Variants in CPNE4 observed in about 807,000 individuals in gnomAD.
CPNE4 encodes copine 4, also known as copine-4.
In CPNE4, 25 loss-of-function variants were observed where a neutral mutation model predicts 67.9. The ratio of observed to expected loss-of-function variants is 0.37; its 90% CI spans 0.27 to 0.51. CPNE4 has a LOEUF of 0.51. Ranked by LOEUF, CPNE4 falls within the 20% of genes least tolerant of loss-of-function variation. CPNE4 has a pLI of 0.93. For missense variants in CPNE4, 464 were observed against 690.8 expected (o/e 0.67, Z 3.68); for synonymous variants, 242 against 244.9 (o/e 0.99, Z 0.11).
intron 7 of CPNE4, among the ~76,000 whole-genome samples, chr3:131,633,448 G>A (rs1368884988): frequency 3.3e-5 from 5 of 152,124 alleles, no homozygotes; most frequent in Non-Finnish European, 7.4e-5. Flanking sequence ...GGTCTCAAAA[G>A]TCAAAGAAGC....
chr3:131,992,895 TATGTGAA>T (rs1440618392), intron 1 of CPNE4, among the ~76,000 whole-genome samples: 1 of 136,112 alleles, frequency 7.3e-6, no homozygotes, highest in Non-Finnish European at 1.7e-5. Flanking sequence ...TACCTGCTGC[TATGTGAA>T]GGACACATTT....
intron 7 of CPNE4, among the ~76,000 whole-genome samples, chr3:131,627,207 AAAAG>A (rs1290445313): frequency 9.3e-5 from 14 of 150,866 alleles, no homozygotes; most frequent in African/African-American, 3.4e-4. Context: ...AAAAAAAAAA[AAAAG>A]AAAAAAAGAA....
chr3:131,922,901 C>G (rs1236965656), intron 1 of CPNE4, among the ~76,000 whole-genome samples: 2 of 152,058 alleles, frequency 1.3e-5, no homozygotes, highest in African/African-American at 4.8e-5. Context: ...GCCCAAGTGC[C>G]CACACTTAAA....
In CPNE4 at chr3:131,555,497, C is replaced by T. The variant is rs776792296; in HGVS notation, c.1116G>A (p.Thr372=). The T allele has an allele frequency of 9.3e-6, 15 of 1,611,960 alleles. No individual in the cohort carries two copies. Among genetic ancestry groups the T allele is most frequent in the Admixed American group, 5.0e-5 (3 of 59,812 alleles). The part of the protein sequence containing the change: ...GFGARIPPEY[T]VSHDFAINFN... ...GAAGATCACATCTCCACTCACTCAC[C>T]GTGTACTCTGGAGGTATCCTGGCGC... The change falls in exon 12 of 16, where the codon ACG becomes ACA. Residue 372 remains threonine (T), a splice_region_variant and synonymous_variant. Coordinates refer to ENST00000429747, the MANE Select transcript of CPNE4 (RefSeq NM_130808.3).
intron 5 of CPNE4, among the ~76,000 whole-genome samples, chr3:131,695,457 G>T (rs1042396933): frequency 2.0e-5 from 3 of 152,152 alleles, no homozygotes; most frequent in African/African-American, 7.2e-5. Context: ...TCAGTTAGAT[G>T]ACAAACTAGA....
At chr3:131,768,593 G>A (rs1339134198) in intron 2 of CPNE4, among the ~76,000 whole-genome samples, 3 of 152,102 alleles carry the variant, frequency 2.0e-5, no homozygotes, top group Admixed American at 6.6e-5. Context: ...GAGTCCTGGG[G>A]GATGTCTGCT....
chr3:131,653,423 CAGGCGTG>C (rs2079865425), intron 7 of CPNE4, among the ~76,000 whole-genome samples: 1 of 152,074 alleles, frequency 6.6e-6, no homozygotes, highest in South Asian at 2.1e-4. Flanking sequence ...GCTGGGATTA[CAGGCGTG>C]AGCCACCGCG....
intron 15 of CPNE4, among the ~76,000 whole-genome samples, chr3:131,538,189 T>TAATA (rs1328237448): frequency 6.6e-6 from 1 of 152,256 alleles, no homozygotes; most frequent in Non-Finnish European, 1.5e-5. Flanking sequence ...CTGATGATGG[T>TAATA]AATATTCTAT....
At chr3:131,976,688 G>A (rs987840540) in intron 1 of CPNE4, among the ~76,000 whole-genome samples, 2 of 152,072 alleles carry the variant, frequency 1.3e-5, no homozygotes, top group African/African-American at 4.8e-5. Context: ...ATAACGACTG[G>A]AAAGTATTTG....
rs753372993 is a variant in CPNE4, at chr3:131,685,827, TATC to T, written c.591+45_591+47del. ...AGGAGTTTCTCAAAATAGGTCAATT[TATC>T]ATCATCTTAGGAGATAAGAGGGCAT... is the stretch of plus-strand genomic sequence containing the variant. On this transcript the variant is annotated intron_variant, in intron 6 of 15. Coordinates refer to ENST00000429747, the MANE Select transcript of CPNE4 (RefSeq NM_130808.3). The T allele has an allele frequency of 2.0e-5, 25 of 1,244,720 alleles. No homozygotes were observed. The South Asian group carries it at 3.2e-4, about 16-fold the overall frequency. The allele number at this position is 1,244,720 out of a possible 1,614,324, so 77.1% of individuals were successfully genotyped here.
chr3:131,644,912 T>G (rs894203351), intron 7 of CPNE4, among the ~76,000 whole-genome samples: 2 of 152,190 alleles, frequency 1.3e-5, no homozygotes, highest in African/African-American at 4.8e-5. Flanking sequence ...TGTAGATAAT[T>G]TAATTGCAGG....
At chr3:132,015,770 A>G (rs866086042) in intron 1 of CPNE4, among the ~76,000 whole-genome samples, 9 of 152,244 alleles carry the variant, frequency 5.9e-5, no homozygotes, top group South Asian at 2.1e-4. Flanking sequence ...TGGAACAATC[A>G]CAGAGAAATG....
chr3:131,746,732 T>G (rs1403267972), intron 2 of CPNE4, among the ~76,000 whole-genome samples: 1 of 152,168 alleles, frequency 6.6e-6, no homozygotes, highest in African/African-American at 2.4e-5. Flanking sequence ...GCAATAGAGA[T>G]AGGAGTGCAG....
At chr3:131,552,994 A>G (rs1936265968) in intron 12 of CPNE4, among the ~76,000 whole-genome samples, 1 of 152,070 alleles carries the variant, frequency 6.6e-6, no homozygotes, top group East Asian at 1.9e-4. Context: ...GGGCAGGAGG[A>G]TTTTCACATA....
At chr3:131,546,610 C>T (rs1171378306) in intron 14 of CPNE4, among the ~76,000 whole-genome samples, 2 of 152,162 alleles carry the variant, frequency 1.3e-5, no homozygotes, top group Non-Finnish European at 2.9e-5. Flanking sequence ...TTGGATGCTT[C>T]TTACTTGTAG....
At chr3:131,907,167 C>A (rs1024840071) in intron 1 of CPNE4, among the ~76,000 whole-genome samples, 6 of 152,106 alleles carry the variant, frequency 3.9e-5, no homozygotes, top group African/African-American at 1.4e-4. Flanking sequence ...AGTGATCCAC[C>A]AGAGGCCATC....
chr3:131,750,130 A>G (rs2082588903), intron 2 of CPNE4, among the ~76,000 whole-genome samples: 1 of 152,166 alleles, frequency 6.6e-6, no homozygotes, highest in African/African-American at 2.4e-5. Context: ...CCCATCTTCA[A>G]TTAGTATATG....
intron 1 of CPNE4, among the ~76,000 whole-genome samples, chr3:131,906,715 G>A (rs1408476046): frequency 5.9e-5 from 9 of 151,714 alleles, no homozygotes; most frequent in Non-Finnish European, 8.8e-5. Context: ...ATAAACATAC[G>A]TGTGCATGTG....
chr3:131,805,735 G>T (rs549148907), intron 2 of CPNE4, among the ~76,000 whole-genome samples: 1 of 152,150 alleles, frequency 6.6e-6, no homozygotes, highest in Non-Finnish European at 1.5e-5. Flanking sequence ...AAAAGCAAGT[G>T]TTCTAAGACA....
Sources: gnomAD v4.1 joint callset for allele counts (sites outside exome capture counted in the v4.1 genomes callset) on GRCh38, gnomAD v4.1.1 for gene constraint, MANE v1.5 for transcripts, NCBI Gene and HGNC (gene_info 2026-07-23, HGNC 2026-07-21) for gene names.